AP3S1: variants seen among roughly 807,000 people sequenced by gnomAD.
AP3S1 encodes the protein adaptor related protein complex 3 subunit sigma 1.
In AP3S1, 12 loss-of-function variants were observed where a neutral mutation model predicts 21.3. The observed-to-expected ratio is 0.56, with a 90% CI of 0.36 to 0.91. AP3S1 has a LOEUF of 0.91. Among genes scored for constraint, AP3S1 ranks in the 40% least tolerant of loss-of-function variants. The pLI is 0.01. For missense variants in AP3S1, 116 were observed against 225.0 expected (o/e 0.52, Z 3.10); for synonymous variants, 48 against 78.4 (o/e 0.61, Z 2.05).
chr5:115,883,146 T>C (rs1193682174), intron 3 of AP3S1, among the ~76,000 whole-genome samples: 2 of 152,196 alleles, frequency 1.3e-5, no homozygotes, highest in Non-Finnish European at 2.9e-5. Flanking sequence ...TCCATGGCGG[T>C]GGGATCCACT....
chr5:115,911,993 A>G lies in AP3S1; in HGVS notation c.454-1369A>G, dbSNP rs567181530. On this transcript the variant is annotated intron_variant, in intron 5 of 5. Transcript: ENST00000316788. ...CCTGTGTAGAATATACTTATTATTA[A>G]TACTATTCTACTAATTTTTCTATTA... The G allele has an allele frequency of 7.2e-5, 11 of 152,052 alleles. 1 individual carries two copies. The South Asian group carries it at 2.1e-3, about 29-fold the overall frequency. 9.4% of individuals were successfully genotyped at this position (152,052 alleles called of 1,614,324 possible).
chr5:115,842,209 C>T, intron 1 of AP3S1, 103 bp downstream of exon 1: 1 of 1,433,516 alleles, frequency 7.0e-7, no homozygotes, highest in Non-Finnish European at 9.2e-7. Flanking sequence ...GCGCTGCGGC[C>T]CTTGTCCCGT....
At chr5:115,853,283 A>G (rs574252329) in intron 1 of AP3S1, among the ~76,000 whole-genome samples, 1 of 152,296 alleles carries the variant, frequency 6.6e-6, no homozygotes, top group Admixed American at 6.5e-5. Flanking sequence ...TTTGAAAGAA[A>G]TATATATTCA....
Position 115,861,870 on chromosome 5 carries a change from T to C in AP3S1, c.70-4800T>C, listed in dbSNP as rs567676391. On this transcript the variant is annotated intron_variant, in intron 1 of 5. Transcript: ENST00000316788. ...CCAAAATTTTCTTTTCTTTTCTTTT[T>C]TTTTTTTTTTTTTTGAGATGGGGTC... Among the ~76,000 whole-genome samples the C allele has an allele frequency of 5.2e-3, 757 of 145,476 alleles. 7 individuals are homozygous for C. Among genetic ancestry groups the C allele is most frequent in the East Asian group, 0.024 (124 of 5,090 alleles).
chr5:115,911,584 C>T (rs1752115118), intron 5 of AP3S1, among the ~76,000 whole-genome samples: 1 of 151,972 alleles, frequency 6.6e-6, no homozygotes, highest in Non-Finnish European at 1.5e-5. Context: ...AATTTTTCTT[C>T]CTTAGTAGAC....
Position 115,864,206 on chromosome 5 carries a change from G to GTTC in AP3S1, c.70-2462_70-2460dup, listed in dbSNP as rs1324728782. Among the ~76,000 whole-genome samples, 3 of 152,304 alleles carry GTTC rather than the reference G, an allele frequency of 2.0e-5. No individual in the cohort carries two copies. In the East Asian group the frequency reaches 5.8e-4, roughly 29 times the overall value. On this transcript the variant is annotated intron_variant, in intron 1 of 5. Coordinates refer to ENST00000316788, the MANE Select transcript of AP3S1 (RefSeq NM_001284.4). ...ATAAACACCAGCTGCTAGTCTCTTG[G>GTTC]TTCTATAAGAAGGAGTGGATGAGAA...
At chr5:115,879,387 A>C in intron 3 of AP3S1, among the ~76,000 whole-genome samples, 1 of 152,186 alleles carries the variant, frequency 6.6e-6, no homozygotes, top group Non-Finnish European at 1.5e-5. Context: ...TACGTAGTTT[A>C]CTGAGAGTTT....
chr5:115,888,230 A>G (rs545639449), intron 3 of AP3S1, among the ~76,000 whole-genome samples: 12 of 152,200 alleles, frequency 7.9e-5, no homozygotes, highest in African/African-American at 2.9e-4. Flanking sequence ...GCTGTTTACT[A>G]TGATACTTCT....
At chr5:115,883,047 G>A (rs1749448271) in intron 3 of AP3S1, among the ~76,000 whole-genome samples, 1 of 152,190 alleles carries the variant, frequency 6.6e-6, no homozygotes, top group South Asian at 2.1e-4. Flanking sequence ...AGACGCCTCT[G>A]CCCCGACTAA....
At chr5:115,856,300 C>T (rs1018896563) in intron 1 of AP3S1, among the ~76,000 whole-genome samples, 17 of 152,116 alleles carry the variant, frequency 1.1e-4, no homozygotes, top group African/African-American at 4.1e-4. Flanking sequence ...GCATTCTTTC[C>T]TATATTGTTT....
intron 1 of AP3S1, chr5:115,842,690 C>G (rs1169604262): frequency 6.6e-6 from 1 of 152,336 alleles, no homozygotes; most frequent in East Asian, 1.9e-4. Context: ...TGTACAGTCT[C>G]TCTTCTGCAT....
chr5:115,898,007 G>C (rs1750903479), intron 4 of AP3S1, among the ~76,000 whole-genome samples: 1 of 152,170 alleles, frequency 6.6e-6, no homozygotes, highest in East Asian at 1.9e-4. Context: ...AATTTATGCT[G>C]CAGTAGCGAA....
At chr5:115,862,141 C>T (rs934407590) in intron 1 of AP3S1, among the ~76,000 whole-genome samples, 15 of 151,926 alleles carry the variant, frequency 9.9e-5, no homozygotes, top group South Asian at 2.1e-4. Flanking sequence ...TTACAAACAG[C>T]GCTTTTATGA....
intron 5 of AP3S1, chr5:115,906,740 T>G (rs1751686202): frequency 1.9e-6 from 2 of 1,077,286 alleles, no homozygotes; most frequent in Non-Finnish European, 2.6e-6. Flanking sequence ...CTGAATTTAG[T>G]CACTACTTTT....
At chr5:115,852,723 G>A (rs1177178343) in intron 1 of AP3S1, among the ~76,000 whole-genome samples, 3 of 152,068 alleles carry the variant, frequency 2.0e-5, no homozygotes, top group African/African-American at 7.2e-5. Context: ...AAATATTACA[G>A]TCTTGTGATT....
chr5:115,913,039 A>G (rs1310873105), intron 5 of AP3S1, among the ~76,000 whole-genome samples: 1 of 152,170 alleles, frequency 6.6e-6, no homozygotes, highest in Non-Finnish European at 1.5e-5. Flanking sequence ...ATCATGCTTC[A>G]TGCTATCTGT....
chr5:115,857,940 G>C (rs1320353300), intron 1 of AP3S1, among the ~76,000 whole-genome samples: 1 of 152,068 alleles, frequency 6.6e-6, no homozygotes, highest in African/African-American at 2.4e-5. Context: ...CTTTTCATTT[G>C]ATGTAGTTTT....
At chr5:115,881,089 G>A (rs894564994) in intron 3 of AP3S1, among the ~76,000 whole-genome samples, 9 of 151,952 alleles carry the variant, frequency 5.9e-5, no homozygotes, top group Admixed American at 3.9e-4. Flanking sequence ...GAGCCTGTGT[G>A]TGTCTTTGCA....
intron 1 of AP3S1, among the ~76,000 whole-genome samples, chr5:115,845,457 T>G (rs1193122409): frequency 1.3e-5 from 2 of 152,194 alleles, no homozygotes; most frequent in African/African-American, 4.8e-5. Context: ...GGCTCCAAGC[T>G]GTTATATGTG....
Sources: gnomAD v4.1 joint callset for allele counts (sites outside exome capture counted in the v4.1 genomes callset) on GRCh38, gnomAD v4.1.1 for gene constraint, MANE v1.5 for transcripts, NCBI Gene and HGNC (gene_info 2026-07-23, HGNC 2026-07-21) for gene names.